The following PDE4D variants were observed in gnomAD, a reference collection of about 807,000 sequenced individuals.
PDE4D encodes phosphodiesterase 4D.
A neutral mutation model predicts 87.4 loss-of-function variants in PDE4D; 24 were observed. The ratio of observed to expected loss-of-function variants is 0.27; its 90% CI spans 0.20 to 0.39. PDE4D has a LOEUF of 0.39. PDE4D is among the 10% of genes least tolerant of loss of function. PDE4D has a pLI of 1.00. For synonymous variants in PDE4D, 384 were observed against 383.2 expected, an observed-to-expected ratio of 1.00 and a Z score of -0.02; for missense variants, 714 against 1,041.0, an observed-to-expected ratio of 0.69 and a Z score of 4.32.
chr5:60,364,400 T>A (rs970468723), intron 1 of PDE4D, among the ~76,000 whole-genome samples: 5 of 152,184 alleles, frequency 3.3e-5, no homozygotes, highest in African/African-American at 1.2e-4. Context: ...ATTATGTGGA[T>A]CTTTACAGAA....
intron 1 of PDE4D, among the ~76,000 whole-genome samples, chr5:60,446,104 T>C (rs1443856555): frequency 6.6e-6 from 1 of 152,158 alleles, no homozygotes; most frequent in Non-Finnish European, 1.5e-5. Flanking sequence ...AAATGCCATT[T>C]TCCCCATATC....
chr5:60,424,124 A>G (rs1743413981), intron 1 of PDE4D, among the ~76,000 whole-genome samples: 1 of 152,246 alleles, frequency 6.6e-6, no homozygotes, highest in Non-Finnish European at 1.5e-5. Flanking sequence ...AGGAGCTGGT[A>G]ACATTCCTTC....
At chr5:59,940,128 C>T (rs1757025888) in intron 3 of PDE4D, among the ~76,000 whole-genome samples, 1 of 152,120 alleles carries the variant, frequency 6.6e-6, no homozygotes, top group African/African-American at 2.4e-5. Flanking sequence ...AACCCCCGCA[C>T]TTGGAGGGTG....
At chr5:59,874,850 C>A (rs1438683392) in intron 1 of PDE4D, among the ~76,000 whole-genome samples, 1 of 152,108 alleles carries the variant, frequency 6.6e-6, no homozygotes, top group Non-Finnish European at 1.5e-5. Flanking sequence ...ATTTTTCTAA[C>A]CTGAGGCTAT....
At chr5:60,040,548 C>A (rs1050305609) in intron 2 of PDE4D, among the ~76,000 whole-genome samples, 3 of 152,106 alleles carry the variant, frequency 2.0e-5, no homozygotes, top group Admixed American at 6.6e-5. Context: ...TATATACAAC[C>A]ATTACTCAGA....
intron 1 of PDE4D, 80 bp downstream of exon 1, chr5:59,893,088 T>C (rs1751196824): frequency 7.1e-7 from 1 of 1,401,152 alleles, no homozygotes; most frequent in African/African-American, 1.5e-5. Context: ...TTGGTGGTGA[T>C]AAGCCGACTT....
intron 3 of PDE4D, among the ~76,000 whole-genome samples, chr5:59,941,071 G>A (rs555620952): frequency 1.3e-5 from 2 of 152,252 alleles, no homozygotes; most frequent in South Asian, 2.1e-4. Flanking sequence ...ACCACCCAGG[G>A]CTTGCTATTA....
At chr5:60,404,012 A>G (rs1583644376) in intron 1 of PDE4D, among the ~76,000 whole-genome samples, 1 of 152,216 alleles carries the variant, frequency 6.6e-6, no homozygotes, top group East Asian at 1.9e-4. Flanking sequence ...TTTTAGTGTA[A>G]ACTGGCCACT....
At position 60,167,266 on chromosome 5, in the gene PDE4D, C is replaced by A. The variant is rs372789692; in HGVS notation, c.42+18291G>T. Among the ~76,000 whole-genome samples, 3 of 86,474 alleles carry A rather than the reference C, an allele frequency of 3.5e-5. No individual in the cohort carries two copies. In the East Asian group the frequency reaches 8.3e-4, roughly 24 times the overall value. The allele number at this position is 86,474 out of a possible 152,430, so 56.7% of individuals were successfully genotyped here. On this transcript the variant is annotated intron_variant, in intron 2 of 16. Transcript: ENST00000502484. ...TTCCTCTCCTTGAACTGTGTATTTT[C>A]TTTTTTTTTTTTTTTTTTTTTGAGA...
intron 1 of PDE4D, among the ~76,000 whole-genome samples, chr5:60,317,100 G>A (rs1010643777): frequency 9.9e-5 from 15 of 152,186 alleles, no homozygotes; most frequent in African/African-American, 3.6e-4. Flanking sequence ...GAATTCAGCT[G>A]TGAATCCATC....
chr5:59,887,863 A>G (rs1750395494), intron 1 of PDE4D, among the ~76,000 whole-genome samples: 1 of 152,182 alleles, frequency 6.6e-6, no homozygotes, highest in Non-Finnish European at 1.5e-5. Context: ...TTTAAATGTA[A>G]TTTCCAAACT....
chr5:59,984,657 A>G (rs1762238106), intron 3 of PDE4D, among the ~76,000 whole-genome samples: 1 of 152,184 alleles, frequency 6.6e-6, no homozygotes, highest in African/African-American at 2.4e-5. Context: ...TGACCCAAGT[A>G]CTTCATGAGG....
chr5:59,011,271 C>T (rs570723862), intron 6 of PDE4D, among the ~76,000 whole-genome samples: 32 of 152,230 alleles, frequency 2.1e-4, no homozygotes, highest in South Asian at 2.1e-4. Flanking sequence ...TCACCAGCAA[C>T]GGAACAAAGC....
chr5:59,697,952 T>C (rs993652376), intron 1 of PDE4D, among the ~76,000 whole-genome samples: 6 of 152,202 alleles, frequency 3.9e-5, no homozygotes, highest in African/African-American at 1.2e-4. Flanking sequence ...TGAAGCTCTA[T>C]AGACATCAGT....
intron 1 of PDE4D, among the ~76,000 whole-genome samples, chr5:59,458,870 C>T (rs1164133988): frequency 1.3e-5 from 2 of 152,146 alleles, no homozygotes; most frequent in Admixed American, 6.5e-5. Context: ...CTTCCCCAAT[C>T]TCATATTTTA....
At chr5:59,738,422 CAT>C (rs1429728688) in intron 1 of PDE4D, among the ~76,000 whole-genome samples, 1 of 151,948 alleles carries the variant, frequency 6.6e-6, no homozygotes, top group Non-Finnish European at 1.5e-5. Flanking sequence ...CTTAGTAAAA[CAT>C]ATAAAATGCA....
At chr5:59,861,258 T>C (rs990842309) in intron 1 of PDE4D, among the ~76,000 whole-genome samples, 7 of 152,166 alleles carry the variant, frequency 4.6e-5, no homozygotes, top group African/African-American at 9.7e-5. Flanking sequence ...TTTAGCAACA[T>C]TTTTAGCAGA....
chr5:59,656,872 C>A (rs1252950781), intron 1 of PDE4D, among the ~76,000 whole-genome samples: 1 of 152,120 alleles, frequency 6.6e-6, no homozygotes, highest in Non-Finnish European at 1.5e-5. Flanking sequence ...ATTAACATAG[C>A]AAATGGTCAT....
intron 1 of PDE4D, among the ~76,000 whole-genome samples, chr5:59,380,161 CATT>C (rs928481882): frequency 2.6e-5 from 4 of 151,978 alleles, no homozygotes; most frequent in Non-Finnish European, 4.4e-5. Flanking sequence ...TGTCAATATA[CATT>C]ATTATATGCA....
Sources: allele counts gnomAD v4.1 joint callset (sites outside exome capture counted in the v4.1 genomes callset), GRCh38; gene constraint gnomAD v4.1.1; transcripts MANE v1.5; gene names NCBI Gene and HGNC (gene_info 2026-07-23, HGNC 2026-07-21).